The following DUSP10 variants were observed in gnomAD, a reference collection of about 807,000 sequenced individuals.
The protein encoded by DUSP10 is dual specificity phosphatase 10, also known as dual specificity protein phosphatase 10.
A neutral mutation model predicts 30.8 loss-of-function variants in DUSP10; 14 were observed. The ratio of observed to expected loss-of-function variants is 0.46; its 90% CI spans 0.30 to 0.71. The LOEUF (loss-of-function observed/expected upper bound fraction) is 0.71. Ranked by LOEUF, DUSP10 falls within the 30% of genes least tolerant of loss-of-function variation. The pLI is 0.08. For synonymous variants in DUSP10, 254 were observed against 250.4 expected (o/e 1.01, Z -0.14); for missense variants, 550 against 619.4 (o/e 0.89, Z 1.19).
chr1:221,735,662 A>G (rs1432527942), intron 2 of DUSP10, among the ~76,000 whole-genome samples: 2 of 152,182 alleles, frequency 1.3e-5, no homozygotes, highest in East Asian at 3.8e-4. Context: ...TATATGCTTG[A>G]AAATGTTTAT....
At chr1:221,711,199 C>T (rs144092226) in intron 2 of DUSP10, among the ~76,000 whole-genome samples, 34 of 152,296 alleles carry the variant, frequency 2.2e-4, no homozygotes, top group African/African-American at 7.9e-4. Context: ...GCTCCTGTTG[C>T]TGTTTTGGCG....
At position 221,706,190 on chromosome 1, in the gene DUSP10, T is replaced by G. The variant is rs746185261; in HGVS notation, c.1088A>C (p.Tyr363Ser). Residue 363 changes from tyrosine to serine, a missense_variant, in exon 3 of 4, where the codon TAT becomes TCT. Coordinates refer to ENST00000366899, the MANE Select transcript of DUSP10 (RefSeq NM_007207.6). This position sits in a 1 kb window ranked among gnomAD's most constrained non-coding sequence, Gnocchi z 4.6. ...CTTGTAGTTGAACAGGCCTTTCTCA[T>G]AGTGGTAGAGGGGAAGATGAGTGGT... is the stretch of plus-strand genomic sequence containing the variant. ...NVTTHLPLYH[Y>S]EKGLFNYKRL... is the part of the protein sequence containing the mutation. 2.5e-6 allele frequency: 4 copies of G among 1,613,912 alleles called. No individual in the cohort carries two copies. Among genetic ancestry groups the G allele is most frequent in the Non-Finnish European group, 3.4e-6 (4 of 1,179,994 alleles).
chr1:221,702,662 C>T lies in DUSP10; in HGVS notation c.1199G>A (p.Cys400Tyr), dbSNP rs536381216. The T allele has an allele frequency of 1.2e-6, 2 of 1,614,010 alleles. No homozygotes were observed. Among genetic ancestry groups the T allele is most frequent in the South Asian group, 1.1e-5 (1 of 91,072 alleles). ...AFEFIEEAHQCGKGLLIHCQA... is the reference protein window; with the variant it reads ...AFEFIEEAHQYGKGLLIHCQA... ...GCAGTGGATGAGAAGCCCCTTCCCACACTGGTGAGCTTCCTCTGAAAAAAG... is the reference window on the plus strand; with the variant it reads ...GCAGTGGATGAGAAGCCCCTTCCCATACTGGTGAGCTTCCTCTGAAAAAAG... The change falls in exon 4 of 4, where the codon TGT becomes TAT. Residue 400 changes from cysteine (C) to tyrosine (Y), a missense_variant. Transcript: ENST00000366899. This position sits in a 1 kb window ranked among gnomAD's most constrained non-coding sequence, Gnocchi z 4.5.
chr1:221,723,663 T>C (rs1057315527), intron 2 of DUSP10, among the ~76,000 whole-genome samples: 1 of 152,202 alleles, frequency 6.6e-6, no homozygotes, highest in African/African-American at 2.4e-5. Context: ...GTTTTTATTA[T>C]AAAAGCTACA....
intron 2 of DUSP10, among the ~76,000 whole-genome samples, chr1:221,736,525 C>A (rs1014508191): frequency 6.6e-6 from 1 of 152,198 alleles, no homozygotes; most frequent in South Asian, 2.1e-4. Flanking sequence ...GTCTGCTTGA[C>A]CCACTCAAGA....
chr1:221,740,801 G>A (rs1039042478), intron 1 of DUSP10, among the ~76,000 whole-genome samples: 1 of 152,192 alleles, frequency 6.6e-6, no homozygotes, highest in East Asian at 1.9e-4. Flanking sequence ...ACAGTGAATT[G>A]TTGCCCACCG....
intron 2 of DUSP10, among the ~76,000 whole-genome samples, chr1:221,714,506 G>C (rs926445367): frequency 6.6e-6 from 1 of 152,142 alleles, no homozygotes; most frequent in Non-Finnish European, 1.5e-5. Flanking sequence ...ATGGCGCCAG[G>C]CAAGGGGAGA....
chr1:221,708,591 C>A (rs188569316), intron 2 of DUSP10, among the ~76,000 whole-genome samples: 1 of 152,302 alleles, frequency 6.6e-6, no homozygotes, highest in East Asian at 1.9e-4. Context: ...TCTGCCCTTA[C>A]ATATGATAGT....
At chr1:221,717,721 G>A (rs1320282031) in intron 2 of DUSP10, among the ~76,000 whole-genome samples, 1 of 152,138 alleles carries the variant, frequency 6.6e-6, no homozygotes, top group Non-Finnish European at 1.5e-5. Flanking sequence ...CACAGAGCTT[G>A]CTGTCTCTTT....
intron 2 of DUSP10, among the ~76,000 whole-genome samples, chr1:221,712,150 T>C (rs1660955584): frequency 1.3e-5 from 2 of 152,194 alleles, no homozygotes; most frequent in Non-Finnish European, 2.9e-5. Context: ...TTGGGTATTT[T>C]ACAGTAGGGT....
At chr1:221,703,985 C>T (rs978095289) in intron 3 of DUSP10, among the ~76,000 whole-genome samples, 31 of 152,272 alleles carry the variant, frequency 2.0e-4, no homozygotes, top group African/African-American at 5.5e-4. Context: ...CTTCAGCACA[C>T]GGTATTTAGC....
chr1:221,706,524 C>T lies in DUSP10; in HGVS notation c.812-58G>A, dbSNP rs1571807117. On this transcript the variant is annotated intron_variant, in intron 2 of 3. Transcript: ENST00000366899. This position sits in a 1 kb window ranked among gnomAD's most constrained non-coding sequence, Gnocchi z 4.6. ...GAGATTTCAGAGCTGGCAGAGAATG[C>T]CACCTCCCCATTAGAATGAGTTTGC... The T allele has an allele frequency of 7.4e-6, 10 of 1,354,876 alleles. No individual in the cohort carries two copies. In the Admixed American group the frequency reaches 1.3e-4, roughly 18 times the overall value. The allele number at this position is 1,354,876 out of a possible 1,614,324, so 83.9% of individuals were successfully genotyped here. A position where few individuals can be genotyped will look rare whatever the true frequency, so the allele number is the denominator to read the frequency against.
chr1:221,725,860 T>C (rs1189625678), intron 2 of DUSP10, among the ~76,000 whole-genome samples: 2 of 152,226 alleles, frequency 1.3e-5, no homozygotes, highest in Admixed American at 1.3e-4. Flanking sequence ...GAGTGTTTTA[T>C]CTACAGTGTA....
At chr1:221,728,669 T>C (rs1661492804) in intron 2 of DUSP10, among the ~76,000 whole-genome samples, 1 of 152,250 alleles carries the variant, frequency 6.6e-6, no homozygotes, top group African/African-American at 2.4e-5. Flanking sequence ...AAACAATCTA[T>C]AGTTTTCATT....
intron 2 of DUSP10, among the ~76,000 whole-genome samples, chr1:221,712,777 C>CAAAAAAGAAAAA (rs1660978078): frequency 1.8e-5 from 1 of 56,950 alleles, no homozygotes; most frequent in Non-Finnish European, 3.1e-5. Flanking sequence ...TATAAAGCAG[C>CAAAAAAGAAAAA]AAAAAAAAAA....
intron 2 of DUSP10, among the ~76,000 whole-genome samples, chr1:221,716,288 G>A (rs1219944915): frequency 6.6e-6 from 1 of 152,052 alleles, no homozygotes; most frequent in African/African-American, 2.4e-5. Context: ...CTAGTGCAGA[G>A]AATACCATCT....
In DUSP10 at chr1:221,739,674, T is replaced by G. The variant is rs757684298; in HGVS notation, c.71A>C (p.Asn24Thr). 2.5e-6 allele frequency: 4 copies of G among 1,613,900 alleles called. No homozygotes were observed. In the African/African-American group the frequency reaches 4.0e-5, roughly 16 times the overall value. Reference sequence around the variant, plus strand: ...AAGGTAACTAGAGTCTAAACAAAGGTTGAGATCCTGAGGTCGGACGGGCCT... The same window carrying G: ...AAGGTAACTAGAGTCTAAACAAAGGGTGAGATCCTGAGGTCGGACGGGCCT... The part of the protein sequence containing the change: ...LSRPVRPQDL[N>T]LCLDSSYLGS... The change falls in exon 2 of 4, where the codon AAC becomes ACC. Residue 24 changes from asparagine (N) to threonine (T), a missense_variant. By Grantham distance (65) the Asn-to-Thr change is moderately conservative. Transcript: ENST00000366899.
At chr1:221,720,171 T>A (rs1441790143) in intron 2 of DUSP10, among the ~76,000 whole-genome samples, 1 of 152,186 alleles carries the variant, frequency 6.6e-6, no homozygotes, top group African/African-American at 2.4e-5. Context: ...TCTCTGAAGT[T>A]ATGAGTGTTT....
intron 2 of DUSP10, among the ~76,000 whole-genome samples, chr1:221,717,563 T>A (rs377240318): frequency 6.6e-6 from 1 of 152,134 alleles, no homozygotes; most frequent in Non-Finnish European, 1.5e-5. Context: ...CTGAATGCAT[T>A]TTTTGTGGCT....
Sources: gnomAD v4.1 joint callset for allele counts (sites outside exome capture counted in the v4.1 genomes callset) on GRCh38, gnomAD v4.1.1 for gene constraint, Gnocchi (gnomAD v3.1) non-coding constraint, MANE v1.5 for transcripts, NCBI Gene and HGNC (gene_info 2026-07-23, HGNC 2026-07-21) for gene names.